PREX2: variants seen among roughly 807,000 people sequenced by gnomAD.
The protein encoded by PREX2 is phosphatidylinositol 3,4,5-trisphosphate-dependent Rac exchanger 2 protein.
In PREX2, 107 loss-of-function variants were observed where a neutral mutation model predicts 203.2. The ratio of observed to expected loss-of-function variants is 0.53; its 90% confidence interval spans 0.45 to 0.62. PREX2 has a LOEUF of 0.62. Ranked by LOEUF, PREX2 falls within the 20% of genes least tolerant of loss-of-function variation. PREX2 has a pLI of 0.00. For missense variants in PREX2, 1,777 were observed against 1,955.9 expected, an observed-to-expected ratio of 0.91 and a Z score of 1.72; for synonymous variants, 672 against 663.6, an observed-to-expected ratio of 1.01 and a Z score of -0.19.
chr8:68,155,522 AT>A (rs966270296), intron 34 of PREX2, among the ~76,000 whole-genome samples: 16 of 152,212 alleles, frequency 1.1e-4, no homozygotes, highest in Non-Finnish European at 1.8e-4. Flanking sequence ...TCAGTTTCCT[AT>A]TTCCCCCCCT....
intron 4 of PREX2, 21 bp downstream of exon 4, chr8:68,022,161 T>C (rs1807587732): frequency 8.7e-7 from 1 of 1,155,212 alleles, no homozygotes; most frequent in Non-Finnish European, 1.3e-6. Context: ...ATTTATGTGT[T>C]ACTGTATGTT....
At chr8:68,151,299 C>G (rs963581823) in intron 34 of PREX2, among the ~76,000 whole-genome samples, 9 of 151,890 alleles carry the variant, frequency 5.9e-5, no homozygotes, top group African/African-American at 1.2e-4. Flanking sequence ...CACCTGTAGT[C>G]CTACGTATTC....
At chr8:68,228,707 A>C (rs991461400) in intron 39 of PREX2, among the ~76,000 whole-genome samples, 3 of 152,046 alleles carry the variant, frequency 2.0e-5, no homozygotes, top group African/African-American at 7.2e-5. Flanking sequence ...TGGAGGTTGC[A>C]GTGAGCCGAG....
At position 68,109,309 on chromosome 8, in the gene PREX2, A is replaced by G. The variant is rs1470964538; in HGVS notation, c.2939-107A>G. ...AAACATCAGGTTGTACATGTAATAC[A>G]TATAATTTTATCTGTCAATTAAAAA... On this transcript the variant is annotated intron_variant, in intron 24 of 39. Transcript: ENST00000288368. 5 of 776,124 alleles carry G rather than the reference A, an allele frequency of 6.4e-6. No individual in the cohort carries two copies. In the East Asian group the frequency reaches 1.1e-4, roughly 17 times the overall value. 48.1% of individuals were successfully genotyped at this position (776,124 alleles called of 1,614,324 possible). A position where few individuals can be genotyped will look rare whatever the true frequency, so the allele number is the denominator to read the frequency against.
chr8:68,001,630 A>G (rs1806939325), intron 1 of PREX2, among the ~76,000 whole-genome samples: 1 of 152,208 alleles, frequency 6.6e-6, no homozygotes, highest in African/African-American at 2.4e-5. Context: ...TTCTACCATA[A>G]AGATACGTGC....
chr8:68,069,801 T>G, intron 12 of PREX2, 34 bp from the exon 13 acceptor site: 1 of 1,127,904 alleles, frequency 8.9e-7, no homozygotes, highest in East Asian at 2.5e-5. Context: ...TTGGGTAATC[T>G]CACTTGTTTT....
chr8:68,182,197 A>G (rs921293218), intron 35 of PREX2, among the ~76,000 whole-genome samples: 1 of 152,146 alleles, frequency 6.6e-6, no homozygotes, highest in Non-Finnish European at 1.5e-5. Flanking sequence ...AAGCACTTAA[A>G]ATCTCAGTAT....
chr8:68,149,796 A>G (rs1811398640), intron 34 of PREX2, among the ~76,000 whole-genome samples: 1 of 152,188 alleles, frequency 6.6e-6, no homozygotes, highest in Admixed American at 6.5e-5. Flanking sequence ...ATATTTTAGA[A>G]GCTTTCCAGG....
intron 8 of PREX2, among the ~76,000 whole-genome samples, chr8:68,047,548 G>T (rs1001146453): frequency 4.4e-5 from 6 of 137,248 alleles, no homozygotes; most frequent in African/African-American, 1.7e-4. Flanking sequence ...AGCATGCTTA[G>T]AACTTTTTCC....
intron 35 of PREX2, among the ~76,000 whole-genome samples, chr8:68,161,115 G>C (rs911993574): frequency 1.3e-5 from 2 of 151,022 alleles, no homozygotes; most frequent in African/African-American, 4.9e-5. Flanking sequence ...TTGGGGGGGG[G>C]ACAGAGTCTC....
intron 37 of PREX2, among the ~76,000 whole-genome samples, chr8:68,210,993 C>T (rs10957422): frequency 0.96 from 146,370 of 152,276 alleles, 70,425 homozygotes; most frequent in Admixed American, 0.99. Context: ...ATTTAGGAAA[C>T]GAAGCTTTGT....
chr8:68,125,381 G>A (rs1001619387), intron 30 of PREX2, among the ~76,000 whole-genome samples: 3 of 152,046 alleles, frequency 2.0e-5, no homozygotes, highest in South Asian at 2.1e-4. Flanking sequence ...CCTAGTCTCC[G>A]ATTTCAAAAT....
At chr8:68,003,704 AAAGAG>A (rs1807010701) in intron 1 of PREX2, among the ~76,000 whole-genome samples, 1 of 152,202 alleles carries the variant, frequency 6.6e-6, no homozygotes, top group Non-Finnish European at 1.5e-5. Context: ...AGTTAACGTT[AAAGAG>A]AAGAGAATTT....
chr8:68,142,338 A>G (rs948035890), intron 33 of PREX2, among the ~76,000 whole-genome samples: 1 of 151,932 alleles, frequency 6.6e-6, no homozygotes, highest in African/African-American at 2.4e-5. Context: ...GATTTTCTCT[A>G]CTTTCTCCAT....
rs1416003812 is a variant in PREX2 at position 68,069,064 on chromosome 8, G to A, written c.1371G>A (p.Gln457=). 6.5e-7 allele frequency: 1 copy of A among 1,545,748 alleles called. No individual in the cohort carries two copies. Among genetic ancestry groups the A allele is most frequent in the East Asian group, 2.4e-5 (1 of 41,820 alleles). ...VTDKHQFKPE[Q]MLYRFRYDDG... ...ATAAACATCAATTCAAACCAGAACA[G>A]ATGTTATATAGATTTCGCTATGATG... Residue 457 remains glutamine, a synonymous_variant, in exon 12 of 40, where the codon CAG becomes CAA. Coordinates refer to ENST00000288368, the MANE Select transcript of PREX2 (RefSeq NM_024870.4).
chr8:68,086,203 C>T (rs569655470), intron 18 of PREX2, among the ~76,000 whole-genome samples: 1 of 152,118 alleles, frequency 6.6e-6, no homozygotes, highest in Admixed American at 6.6e-5. Flanking sequence ...AGTGTATAAC[C>T]TAATTTATAA....
chr8:68,014,768 A>G (rs1807365363), intron 1 of PREX2, among the ~76,000 whole-genome samples: 1 of 152,186 alleles, frequency 6.6e-6, no homozygotes, highest in Admixed American at 6.6e-5. Flanking sequence ...TTAGTCTTTG[A>G]AAGAATAAAC....
At chr8:68,025,806 G>A (rs887263052) in intron 4 of PREX2, among the ~76,000 whole-genome samples, 8 of 152,016 alleles carry the variant, frequency 5.3e-5, no homozygotes, top group African/African-American at 1.4e-4. Flanking sequence ...GCTGGCTCTC[G>A]TCAGCCAGTC....
At chr8:68,073,781 C>T in intron 14 of PREX2, among the ~76,000 whole-genome samples, 1 of 152,062 alleles carries the variant, frequency 6.6e-6, no homozygotes, top group Non-Finnish European at 1.5e-5. Flanking sequence ...TTCTAGAATT[C>T]ATGTGAACTT....
Sources: allele counts gnomAD v4.1 joint callset (sites outside exome capture counted in the v4.1 genomes callset), GRCh38; gene constraint gnomAD v4.1.1; transcripts MANE v1.5; gene names NCBI Gene and HGNC (gene_info 2026-07-23, HGNC 2026-07-21).